The following DLG2 variants were observed in gnomAD, a reference collection of about 807,000 sequenced individuals.
The protein encoded by DLG2 is disks large homolog 2.
A neutral mutation model predicts 132.5 loss-of-function variants in DLG2; 45 were observed. The ratio of observed to expected loss-of-function variants is 0.34; its 90% CI spans 0.27 to 0.44. DLG2 has a LOEUF of 0.44. DLG2 is among the 20% of genes least tolerant of loss of function. The pLI is 1.00. For missense variants in DLG2, 1,045 were observed against 1,196.9 expected (o/e 0.87, Z 1.87); for synonymous variants, 424 against 419.6 (o/e 1.01, Z -0.13).
chr11:84,107,943 A>C (rs2154189389), intron 9 of DLG2, among the ~76,000 whole-genome samples: 1 of 152,326 alleles, frequency 6.6e-6, no homozygotes, highest in Middle Eastern at 3.4e-3. Flanking sequence ...GATGCCATCA[A>C]CGTGTTATGG....
chr11:85,221,944 T>TC (rs2074673525), intron 4 of DLG2, among the ~76,000 whole-genome samples: 1 of 151,936 alleles, frequency 6.6e-6, no homozygotes, highest in Admixed American at 6.6e-5. Context: ...TTTCTTTCTT[T>TC]TTTTTTTTCT....
At chr11:84,451,131 G>C (rs2099050419) in intron 7 of DLG2, among the ~76,000 whole-genome samples, 5 of 151,862 alleles carry the variant, frequency 3.3e-5, no homozygotes. Context: ...GGGACTTCAA[G>C]TTATCTGTAA....
At chr11:84,041,187 T>C (rs2096069434) in intron 11 of DLG2, among the ~76,000 whole-genome samples, 1 of 151,960 alleles carries the variant, frequency 6.6e-6, no homozygotes, top group Admixed American at 6.6e-5. Context: ...GCAATACAAT[T>C]ATTGTAGCTA....
intron 6 of DLG2, among the ~76,000 whole-genome samples, chr11:84,920,125 G>A (rs1389859882): frequency 6.6e-6 from 1 of 152,170 alleles, no homozygotes; most frequent in Non-Finnish European, 1.5e-5. Flanking sequence ...AGGTAGCAAA[G>A]TAAAACAATT....
At chr11:83,559,529 A>C in intron 19 of DLG2, among the ~76,000 whole-genome samples, 1 of 152,216 alleles carries the variant, frequency 6.6e-6, no homozygotes, top group African/African-American at 2.4e-5. Context: ...GGCTAGAGAC[A>C]GATTTAAGTT....
chr11:84,686,621 G>T (rs1220058880), intron 6 of DLG2, among the ~76,000 whole-genome samples: 1 of 144,516 alleles, frequency 6.9e-6, no homozygotes, highest in Non-Finnish European at 1.5e-5. Flanking sequence ...TCTTTCAACT[G>T]GCCTTGAGGT....
At chr11:85,138,397 T>A (rs533295621) in intron 5 of DLG2, among the ~76,000 whole-genome samples, 58 of 152,304 alleles carry the variant, frequency 3.8e-4, no homozygotes, top group Admixed American at 1.2e-3. Flanking sequence ...GTGGGTTGAG[T>A]GGATTCCAGA....
intron 6 of DLG2, among the ~76,000 whole-genome samples, chr11:84,887,997 G>A (rs2088626235): frequency 2.6e-5 from 4 of 152,080 alleles, no homozygotes; most frequent in Admixed American, 2.6e-4. Context: ...AAGTTTCTCA[G>A]AAATAATGTT....
intron 21 of DLG2, among the ~76,000 whole-genome samples, chr11:83,503,970 A>G (rs2094572390): frequency 1.3e-5 from 2 of 152,188 alleles, no homozygotes; most frequent in African/African-American, 4.8e-5. Flanking sequence ...CCTTCGTACA[A>G]CCAGAAATGC....
chr11:83,719,122 G>A (rs2153680342), intron 18 of DLG2, among the ~76,000 whole-genome samples: 1 of 152,308 alleles, frequency 6.6e-6, no homozygotes, highest in East Asian at 1.9e-4. Context: ...GGCCCACACA[G>A]CAGTCAGGCC....
Position 84,859,671 on chromosome 11 carries a change from T to C in DLG2, c.357+251990A>G, listed in dbSNP as rs73516926. 2.3e-3 allele frequency among the ~76,000 whole-genome samples: 355 copies of C among 151,924 alleles called. 2 individuals carry two copies. The highest frequency in any genetic ancestry group is 8.3e-3 in the African/African-American group (344 of 41,464). On this transcript the variant is annotated intron_variant, in intron 6 of 27. Transcript: ENST00000376104. Reference sequence around the variant, plus strand: ...TAATATAAAGCCACTATTTTCCTCTTTTTCCTTTTATCTTTCCATTCTACA... The same window carrying C: ...TAATATAAAGCCACTATTTTCCTCTCTTTCCTTTTATCTTTCCATTCTACA...
chr11:83,760,503 TGCCA>T (rs1458036121), intron 18 of DLG2, among the ~76,000 whole-genome samples: 1 of 151,638 alleles, frequency 6.6e-6, no homozygotes, highest in East Asian at 1.9e-4. Flanking sequence ...TACAGGTGCC[TGCCA>T]CCACGCCCGG....
At chr11:84,279,353 G>A (rs534479121) in intron 7 of DLG2, among the ~76,000 whole-genome samples, 10 of 152,322 alleles carry the variant, frequency 6.6e-5, no homozygotes, top group African/African-American at 2.2e-4. Flanking sequence ...ATTTTACACT[G>A]TTGGTGGGAG....
At chr11:85,438,675 T>C (rs1006403687) in intron 3 of DLG2, among the ~76,000 whole-genome samples, 1 of 152,214 alleles carries the variant, frequency 6.6e-6, no homozygotes, top group Non-Finnish European at 1.5e-5. Flanking sequence ...TGTCCTCATC[T>C]TTGTGTGTGT....
intron 17 of DLG2, 71 bp downstream of exon 17, chr11:83,833,543 A>T: frequency 6.8e-7 from 1 of 1,471,662 alleles, no homozygotes; most frequent in East Asian, 2.3e-5. Context: ...TGGTATCATA[A>T]TTGAAAGTTA....
chr11:83,484,166 G>A lies in DLG2; in HGVS notation c.2256C>T (p.Asn752=). 6.2e-7 allele frequency: 1 copy of A among 1,613,384 alleles called. No individual in the cohort carries two copies. The highest frequency in any genetic ancestry group is 8.5e-7 in the Non-Finnish European group (1 of 1,179,562). Residue 752 remains asparagine, a synonymous_variant, in exon 22 of 28, where the codon AAC becomes AAT. Coordinates refer to ENST00000376104, the MANE Select transcript of DLG2 (RefSeq NM_001142699.3). ...IFSRKFPFYK[N]KEQSEQETSD... ...TGGTTTCCTGCTCACTCTGCTCCTT[G>A]TTCTTGTAGAATGGGAATTTTCGTG... is the stretch of plus-strand genomic sequence containing the variant.
intron 19 of DLG2, among the ~76,000 whole-genome samples, chr11:83,558,449 C>G (rs1486377192): frequency 6.6e-6 from 1 of 151,804 alleles, no homozygotes; most frequent in Non-Finnish European, 1.5e-5. Flanking sequence ...GTATGGTGTT[C>G]AAGAGGAATA....
At chr11:85,612,439 G>C (rs2081072772) in intron 2 of DLG2, among the ~76,000 whole-genome samples, 1 of 152,236 alleles carries the variant, frequency 6.6e-6, no homozygotes, top group Non-Finnish European at 1.5e-5. Flanking sequence ...TGTAGAAGCA[G>C]AGTTAGGAAA....
At chr11:84,557,382 T>A (rs1372811245) in intron 6 of DLG2, among the ~76,000 whole-genome samples, 1 of 152,124 alleles carries the variant, frequency 6.6e-6, no homozygotes, top group Non-Finnish European at 1.5e-5. Context: ...GCTCCCACAA[T>A]GACAAAAGCA....
Sources: allele counts gnomAD v4.1 joint callset (sites outside exome capture counted in the v4.1 genomes callset), GRCh38; gene constraint gnomAD v4.1.1; transcripts MANE v1.5; gene names NCBI Gene and HGNC (gene_info 2026-07-23, HGNC 2026-07-21).